SPECC1: variants seen among roughly 807,000 people sequenced by gnomAD.
The protein encoded by SPECC1 is cytospin-B.
SPECC1 carries 62 observed loss-of-function variants against 104.1 expected under a neutral mutation model. That is an observed-to-expected ratio of 0.60 (90% CI 0.49 to 0.74). The LOEUF is 0.74. SPECC1 is among the 30% of genes least tolerant of loss of function. The pLI is 0.00. For missense variants in SPECC1, 1,306 were observed against 1,310.5 expected (o/e 1.00, Z 0.05); for synonymous variants, 513 against 501.6 (o/e 1.02, Z -0.30).
chr17:20,093,079 A>T (rs543507254), intron 1 of SPECC1, among the ~76,000 whole-genome samples: 1 of 152,240 alleles, frequency 6.6e-6, no homozygotes, highest in Non-Finnish European at 1.5e-5. Context: ...TGTGAAATGG[A>T]TATGTCTTAG....
chr17:20,023,500 C>G (rs73980795), intron 1 of SPECC1, among the ~76,000 whole-genome samples: 2,421 of 152,086 alleles, frequency 0.016, 59 homozygotes, highest in African/African-American at 0.055. Context: ...CAGGCCAGGA[C>G]ACGGGAGAGC....
At chr17:20,279,309 CTTT>C (rs558884865) in intron 12 of SPECC1, among the ~76,000 whole-genome samples, 2 of 131,866 alleles carry the variant, frequency 1.5e-5, no homozygotes, top group African/African-American at 5.6e-5. Context: ...ACTTTTCTTT[CTTT>C]TTTTTTTTTT....
At chr17:20,255,821 C>T (rs572727839) in intron 10 of SPECC1, among the ~76,000 whole-genome samples, 112 of 152,206 alleles carry the variant, frequency 7.4e-4, no homozygotes, top group African/African-American at 2.5e-3. Context: ...ATCCTCTTGC[C>T]TTGGCCTCCC....
intron 3 of SPECC1, among the ~76,000 whole-genome samples, chr17:20,177,612 C>CT (rs986128612): frequency 1.3e-5 from 2 of 152,164 alleles, no homozygotes; most frequent in African/African-American, 4.8e-5. Flanking sequence ...ATTAAATACT[C>CT]TCAACTATCC....
chr17:20,172,320 C>T (rs143997479), intron 3 of SPECC1, among the ~76,000 whole-genome samples: 1 of 152,340 alleles, frequency 6.6e-6, no homozygotes, highest in East Asian at 1.9e-4. Flanking sequence ...GCACAGGATA[C>T]TTCCAGTTAA....
intron 3 of SPECC1, among the ~76,000 whole-genome samples, chr17:20,182,435 T>A (rs1348630183): frequency 1.3e-5 from 2 of 152,158 alleles, no homozygotes; most frequent in Non-Finnish European, 2.9e-5. Flanking sequence ...TATTTTAAAT[T>A]GAGTTTTATA....
chr17:20,209,714 C>T (rs1403230921), intron 4 of SPECC1, among the ~76,000 whole-genome samples: 1 of 152,186 alleles, frequency 6.6e-6, no homozygotes, highest in Non-Finnish European at 1.5e-5. Flanking sequence ...AACCCAAAGC[C>T]ACCACTCCTA....
intron 1 of SPECC1, among the ~76,000 whole-genome samples, chr17:20,040,470 C>T (rs979862194): frequency 6.6e-6 from 1 of 152,058 alleles, no homozygotes; most frequent in Non-Finnish European, 1.5e-5. Flanking sequence ...ATTTTTTGGT[C>T]TGTTGCATGA....
chr17:20,051,128 CT>C (rs2045753665), intron 1 of SPECC1, among the ~76,000 whole-genome samples: 1 of 116,300 alleles, frequency 8.6e-6, no homozygotes, highest in Admixed American at 8.6e-5. Flanking sequence ...TTCTTTCTTT[CT>C]TTCTTTCTTT....
chr17:20,169,061 C>T (rs1022889725), intron 3 of SPECC1, among the ~76,000 whole-genome samples: 1 of 152,008 alleles, frequency 6.6e-6, no homozygotes, highest in Non-Finnish European at 1.5e-5. Context: ...TTTGTAGAGA[C>T]GGGGTTTCAC....
intron 1 of SPECC1, among the ~76,000 whole-genome samples, chr17:20,085,241 A>G (rs894036406): frequency 6.6e-6 from 1 of 152,104 alleles, no homozygotes; most frequent in African/African-American, 2.4e-5. Flanking sequence ...AACAAAGAGG[A>G]GGTGGAGGTG....
At chr17:20,048,986 C>T (rs909459775) in intron 1 of SPECC1, among the ~76,000 whole-genome samples, 3 of 152,012 alleles carry the variant, frequency 2.0e-5, no homozygotes, top group African/African-American at 4.8e-5. Flanking sequence ...ACATGTTTAA[C>T]GGGGAAGGAG....
chr17:20,026,487 T>C (rs1222620178), intron 1 of SPECC1, among the ~76,000 whole-genome samples: 1 of 152,196 alleles, frequency 6.6e-6, no homozygotes, highest in Non-Finnish European at 1.5e-5. Flanking sequence ...TCTAATTCTG[T>C]GACCCCATTT....
In SPECC1 at chr17:20,318,823, A is replaced by T. The variant is rs929069432; in HGVS notation, c.*4758A>T. The T allele has an allele frequency of 4.3e-4, 89 of 209,346 alleles. 1 individual carries two copies. Among genetic ancestry groups the T allele is most frequent in the Non-Finnish European group, 4.6e-4 (47 of 103,278 alleles). The allele number at this position is 209,346 out of a possible 1,614,324, so 13.0% of individuals were successfully genotyped here. ...TCTGTAGCATCCTGAATAGCACACT[A>T]ATTTTTTTTTTTAGCACACTAACTT... On this transcript the variant is annotated 3_prime_UTR_variant, in exon 15 of 15. Transcript: ENST00000395527.
intron 5 of SPECC1, among the ~76,000 whole-genome samples, chr17:20,231,270 A>C (rs2038558774): frequency 6.6e-6 from 1 of 152,204 alleles, no homozygotes; most frequent in Non-Finnish European, 1.5e-5. Context: ...AAGCTTCACC[A>C]GTGATTTAGA....
At chr17:20,251,700 G>C (rs1343008617) in intron 9 of SPECC1, among the ~76,000 whole-genome samples, 1 of 152,146 alleles carries the variant, frequency 6.6e-6, no homozygotes, top group African/African-American at 2.4e-5. Context: ...AATATCAATA[G>C]AGAATCAGTA....
At chr17:20,101,377 A>G (rs1164631237) in intron 2 of SPECC1, among the ~76,000 whole-genome samples, 1 of 152,198 alleles carries the variant, frequency 6.6e-6, no homozygotes. Flanking sequence ...GTGAGATGGT[A>G]TCTCATTATG....
At chr17:20,275,467 A>C (rs2040546071) in intron 12 of SPECC1, among the ~76,000 whole-genome samples, 1 of 152,362 alleles carries the variant, frequency 6.6e-6, no homozygotes, top group East Asian at 1.9e-4. Context: ...AGTAGGATTA[A>C]TGACAGAATT....
intron 2 of SPECC1, among the ~76,000 whole-genome samples, chr17:20,098,747 C>T (rs1007511661): frequency 1.1e-4 from 17 of 152,204 alleles, no homozygotes; most frequent in Non-Finnish European, 2.4e-4. Flanking sequence ...CCTCCATCCT[C>T]CTCCTCCTGC....
Sources: allele counts gnomAD v4.1 joint callset (sites outside exome capture counted in the v4.1 genomes callset), GRCh38; gene constraint gnomAD v4.1.1; transcripts MANE v1.5; gene names NCBI Gene and HGNC (gene_info 2026-07-23, HGNC 2026-07-21).